Variants in TGM4 observed in about 807,000 individuals in gnomAD.
The protein encoded by TGM4 is protein-glutamine gamma-glutamyltransferase 4.
TGM4 carries 61 observed loss-of-function variants against 76.3 expected under a neutral mutation model. That is an observed-to-expected ratio of 0.80 (90% CI 0.65 to 0.99). The LOEUF is 0.99. Ranked by LOEUF, TGM4 falls within the 50% of genes least tolerant of loss-of-function variation. The pLI is 0.00. For synonymous variants in TGM4, 337 were observed against 329.8 expected (o/e 1.02, Z -0.24); for missense variants, 794 against 843.2 (o/e 0.94, Z 0.72).
intron 4 of TGM4, among the ~76,000 whole-genome samples, chr3:44,891,892 G>A (rs566784189): frequency 4.0e-5 from 6 of 151,302 alleles, no homozygotes; most frequent in African/African-American, 1.2e-4. Context: ...GGAGAATGGC[G>A]TGAACCCGGG....
chr3:44,885,391 T>C lies in TGM4; in HGVS notation c.86T>C (p.Phe29Ser). The change falls in exon 2 of 14, where the codon TTC (phenylalanine) becomes TCC (serine). Residue 29 changes from phenylalanine (F) to serine (S), a missense_variant. Phe to Ser is a radical substitution (Grantham distance 155). Coordinates refer to ENST00000296125, the MANE Select transcript of TGM4 (RefSeq NM_003241.4). The part of the protein sequence containing the change: ...DNAVSHHTWE[F>S]QTSSPVFRRG... ...GCCGTTTCTCACCACACATGGGAGT[T>C]CCAAACGAGCAGTCCTGTGTTCCGG... The C allele has an allele frequency of 6.2e-7, 1 of 1,614,036 alleles. No individual in the cohort carries two copies. Among genetic ancestry groups the C allele is most frequent in the Non-Finnish European group, 8.5e-7 (1 of 1,179,990 alleles).
intron 6 of TGM4, 62 bp downstream of exon 6, chr3:44,896,878 G>T: frequency 7.0e-7 from 1 of 1,431,818 alleles, no homozygotes; most frequent in South Asian, 1.2e-5. Context: ...GCCTTTTTCT[G>T]TTTTTCCTCA....
At chr3:44,910,809 G>T in intron 11 of TGM4, 149 bp from the exon 12 acceptor site, 1 of 862,042 alleles carries the variant, frequency 1.2e-6, no homozygotes, top group Non-Finnish European at 1.8e-6. Flanking sequence ...TGAGCCCAAC[G>T]TCTTGTTTTC....
chr3:44,881,056 ATG>A (rs770680021), intron 1 of TGM4, among the ~76,000 whole-genome samples: 2,986 of 152,250 alleles, frequency 0.02, 52 homozygotes, highest in Middle Eastern at 0.065. Flanking sequence ...CATCACCACT[ATG>A]AAGTGCACTA....
At chr3:44,901,135 G>A (rs1161468295) in intron 6 of TGM4, among the ~76,000 whole-genome samples, 1 of 152,270 alleles carries the variant, frequency 6.6e-6, no homozygotes, top group East Asian at 1.9e-4. Context: ...AATTACCTGG[G>A]TGGCTGAGGT....
intron 10 of TGM4, 130 bp from the exon 11 acceptor site, chr3:44,909,960 T>C (rs1167748105): frequency 2.1e-6 from 2 of 959,188 alleles, no homozygotes; most frequent in African/African-American, 1.6e-5. Flanking sequence ...TGTGAATCTA[T>C]AGCTCATGGG....
intron 4 of TGM4, among the ~76,000 whole-genome samples, chr3:44,893,076 A>G (rs1026147857): frequency 6.6e-6 from 1 of 152,220 alleles, no homozygotes; most frequent in Non-Finnish European, 1.5e-5. Context: ...CTATGTGGAC[A>G]CATTTTAAGA....
chr3:44,898,766 C>A (rs1311023910), intron 6 of TGM4, among the ~76,000 whole-genome samples: 1 of 152,192 alleles, frequency 6.6e-6, no homozygotes, highest in African/African-American at 2.4e-5. Context: ...TCCTGTTCCC[C>A]TGCACCTTAG....
intron 8 of TGM4, 128 bp from the exon 9 acceptor site, chr3:44,903,756 T>C: frequency 1.2e-6 from 1 of 859,186 alleles, no homozygotes; most frequent in African/African-American, 1.6e-5. Flanking sequence ...TGACAAAGGT[T>C]CCCAAACCCC....
intron 2 of TGM4, among the ~76,000 whole-genome samples, chr3:44,887,112 C>T (rs1699618463): frequency 6.6e-6 from 1 of 152,192 alleles, no homozygotes; most frequent in Admixed American, 6.5e-5. Context: ...GACCAGAAAC[C>T]CAGTCATGAC....
chr3:44,884,225 G>A (rs916328943), intron 1 of TGM4, among the ~76,000 whole-genome samples: 2 of 152,164 alleles, frequency 1.3e-5, no homozygotes, highest in Admixed American at 1.3e-4. Context: ...CGCTGGGGGA[G>A]AACATAAGTA....
chr3:44,902,456 T>A (rs985744507), intron 8 of TGM4, among the ~76,000 whole-genome samples: 1 of 151,966 alleles, frequency 6.6e-6, no homozygotes, highest in South Asian at 2.1e-4. Flanking sequence ...AAAAATTAGC[T>A]GGGCATAGTG....
intron 3 of TGM4, 108 bp downstream of exon 3, chr3:44,887,903 A>G: frequency 1.0e-6 from 1 of 959,048 alleles, no homozygotes; most frequent in Non-Finnish European, 1.6e-6. Context: ...AACATGGTTT[A>G]AAGCCATCCA....
intron 13 of TGM4, among the ~76,000 whole-genome samples, chr3:44,911,945 C>T (rs975469240): frequency 1.3e-5 from 2 of 152,210 alleles, no homozygotes; most frequent in Non-Finnish European, 2.9e-5. Context: ...ATTCTCCTGC[C>T]TTGGCCTCCT....
intron 3 of TGM4, chr3:44,888,826 A>C (rs946901610): frequency 6.6e-6 from 1 of 152,012 alleles, no homozygotes; most frequent in African/African-American, 2.4e-5. Context: ...TGTAATGAAC[A>C]GTGAGGGCAC....
At chr3:44,912,303 C>T (rs977260648) in intron 13 of TGM4, among the ~76,000 whole-genome samples, 1 of 152,178 alleles carries the variant, frequency 6.6e-6, no homozygotes, top group Non-Finnish European at 1.5e-5. Flanking sequence ...TTTATTTACA[C>T]AATTAGGTAT....
At chr3:44,909,697 AG>A (rs1224457474) in intron 10 of TGM4, among the ~76,000 whole-genome samples, 4 of 152,182 alleles carry the variant, frequency 2.6e-5, no homozygotes, top group Admixed American at 6.5e-5. Context: ...GCTGGAAAGA[AG>A]GGGAGATGGG....
At position 44,885,387 on chromosome 3, in the gene TGM4, G is replaced by A. The variant is rs1422569886; in HGVS notation, c.82G>A (p.Glu28Lys). 1 of 1,614,108 alleles carries A rather than the reference G, an allele frequency of 6.2e-7. No homozygotes were observed. Among genetic ancestry groups the A allele is most frequent in the Non-Finnish European group, 8.5e-7 (1 of 1,180,006 alleles). Residue 28 changes from glutamate (E) to lysine (K), a missense_variant, in exon 2 of 14, where the codon GAG (glutamate) becomes AAG (lysine). By Grantham distance (56) the Glu-to-Lys change is moderately conservative. Coordinates refer to ENST00000296125, the MANE Select transcript of TGM4 (RefSeq NM_003241.4). ...QDNAVSHHTW[E>K]FQTSSPVFRR... The stretch of plus-strand genomic sequence containing the variant: ...CAACGCCGTTTCTCACCACACATGG[G>A]AGTTCCAAACGAGCAGTCCTGTGTT...
At chr3:44,912,799 G>A (rs189649897) in intron 13 of TGM4, among the ~76,000 whole-genome samples, 8 of 152,070 alleles carry the variant, frequency 5.3e-5, no homozygotes, top group Admixed American at 5.2e-4. Flanking sequence ...CCACTTGCAC[G>A]TTATTAGTTG....
Sources: gnomAD v4.1 joint callset for allele counts (sites outside exome capture counted in the v4.1 genomes callset) on GRCh38, gnomAD v4.1.1 for gene constraint, MANE v1.5 for transcripts, NCBI Gene and HGNC (gene_info 2026-07-23, HGNC 2026-07-21) for gene names.